Variants in GSE1 observed in about 807,000 individuals in gnomAD.
GSE1 encodes genetic suppressor element 1.
In GSE1, 32 loss-of-function variants were observed where a neutral mutation model predicts 112.6. The observed-to-expected ratio is 0.28, with a 90% CI of 0.21 to 0.38. The LOEUF is 0.38. GSE1 is among the 10% of genes least tolerant of loss of function. GSE1 has a pLI of 1.00. For missense variants in GSE1, 2,348 were observed against 1,699.2 expected (o/e 1.38, Z -6.71); for synonymous variants, 1,115 against 735.6 (o/e 1.52, Z -8.35).
At chr16:85,272,906 A>G (rs1325640497) in intron 1 of GSE1, among the ~76,000 whole-genome samples, 1 of 151,648 alleles carries the variant, frequency 6.6e-6, no homozygotes, top group Non-Finnish European at 1.5e-5. Flanking sequence ...CCTCCCGAGT[A>G]GCTGGGATTA....
intron 1 of GSE1, among the ~76,000 whole-genome samples, chr16:85,299,083 G>C (rs1262779520): frequency 6.6e-6 from 1 of 152,220 alleles, no homozygotes; most frequent in African/African-American, 2.4e-5. Flanking sequence ...TGGCCCTCTG[G>C]TCAGTGAATA....
intron 1 of GSE1, among the ~76,000 whole-genome samples, chr16:85,192,432 T>C (rs1417848323): frequency 1.3e-5 from 2 of 152,230 alleles, no homozygotes; most frequent in Admixed American, 1.3e-4. Flanking sequence ...CAAGCATTGT[T>C]ATATGGCCTC....
chr16:85,665,654 C>T (rs1369538672), intron 12 of GSE1, among the ~76,000 whole-genome samples: 5 of 152,198 alleles, frequency 3.3e-5, no homozygotes, highest in African/African-American at 9.7e-5. Flanking sequence ...CAGTGCGTCC[C>T]AGTCCTCGGC....
At chr16:85,501,636 C>G (rs1235855325) in intron 2 of GSE1, among the ~76,000 whole-genome samples, 2 of 152,234 alleles carry the variant, frequency 1.3e-5, no homozygotes, top group Admixed American at 6.5e-5. Flanking sequence ...CTCGGCAACC[C>G]TCCCACCTCG....
intron 1 of GSE1, among the ~76,000 whole-genome samples, chr16:85,585,650 G>T (rs2046657868): frequency 6.6e-6 from 1 of 152,212 alleles, no homozygotes; most frequent in Admixed American, 6.5e-5. Flanking sequence ...GGCCCAAGGG[G>T]CCCATCCTGG....
rs1327030313 is a variant in GSE1, at chr16:85,675,756, G to C, written c.*3217G>C. 1 of 152,220 alleles carries C rather than the reference G, an allele frequency of 6.6e-6. No individual in the cohort carries two copies. Among genetic ancestry groups the C allele is most frequent in the East Asian group, 1.9e-4 (1 of 5,200 alleles). The allele number at this position is 152,220 out of a possible 1,614,324, so 9.4% of individuals were successfully genotyped here. A position where few individuals can be genotyped will look rare whatever the true frequency, so the allele number is the denominator to read the frequency against. On this transcript the variant is annotated 3_prime_UTR_variant, in exon 16 of 16. Coordinates refer to ENST00000253458, the MANE Select transcript of GSE1 (RefSeq NM_014615.5). ...AATGCCAGGGATCCACCACAAGATG[G>C]AGATGGTCAGCACAAACCGATTCTG...
chr16:85,408,551 GC>G (rs1265523089), intron 2 of GSE1, among the ~76,000 whole-genome samples: 6 of 31,148 alleles, frequency 1.9e-4, no homozygotes, highest in East Asian at 1.7e-3. Context: ...TACACTCAGG[GC>G]CCCCCGGATA....
At chr16:85,314,192 G>C (rs144409991) in intron 1 of GSE1, among the ~76,000 whole-genome samples, 1 of 152,152 alleles carries the variant, frequency 6.6e-6, no homozygotes, top group African/African-American at 2.4e-5. Flanking sequence ...CACAGAGCCC[G>C]GGGAGTGAGA....
chr16:85,400,075 C>A (rs1410680102), intron 2 of GSE1, among the ~76,000 whole-genome samples: 1 of 152,238 alleles, frequency 6.6e-6, no homozygotes, highest in Non-Finnish European at 1.5e-5. Flanking sequence ...CCACACGGAG[C>A]TACTGACTGC....
intron 1 of GSE1, among the ~76,000 whole-genome samples, chr16:85,632,081 C>CG (rs1196040596): frequency 6.6e-6 from 1 of 152,228 alleles, no homozygotes; most frequent in Non-Finnish European, 1.5e-5. Flanking sequence ...CCCGCCCTCC[C>CG]GCTTGTTTGG....
At chr16:85,633,698 C>T (rs2049741313) in intron 1 of GSE1, among the ~76,000 whole-genome samples, 1 of 152,178 alleles carries the variant, frequency 6.6e-6, no homozygotes, top group African/African-American at 2.4e-5. Flanking sequence ...TCCTGGGGGC[C>T]TCTTGGGTCT....
In GSE1 at chr16:85,208,278, C is replaced by G. The variant is rs188999684; in HGVS notation, c.2283+36471C>G. On this transcript the variant is annotated intron_variant, in intron 1 of 2. Transcript: ENST00000637419. Reference sequence around the variant, plus strand: ...GGGACCCCACCACATGCTGGGGATGCACTCCGCCACGTCGCTGGCGGAAGG... The same window carrying G: ...GGGACCCCACCACATGCTGGGGATGGACTCCGCCACGTCGCTGGCGGAAGG... Among the ~76,000 whole-genome samples the G allele has an allele frequency of 5.3e-5, 8 of 152,302 alleles. No individual in the cohort carries two copies. The East Asian group carries it at 1.4e-3, about 26-fold the overall frequency.
intron 1 of GSE1, among the ~76,000 whole-genome samples, chr16:85,603,444 A>T (rs7188128): frequency 6.6e-6 from 1 of 152,228 alleles, no homozygotes; most frequent in African/African-American, 2.4e-5. Flanking sequence ...TCTGGAAACT[A>T]CAGGCCCTGC....
At chr16:85,482,085 C>G (rs190744009) in intron 2 of GSE1, among the ~76,000 whole-genome samples, 1 of 152,342 alleles carries the variant, frequency 6.6e-6, no homozygotes, top group South Asian at 2.1e-4. Context: ...CTGTTGTGGA[C>G]GACCCAACTT....
chr16:85,613,390 G>T lies in GSE1; in HGVS notation c.-2G>T, dbSNP rs1440229796. Reference sequence around the variant, plus strand: ...GCCGAGGTGGAGCTGCGGGGCCCTGGCATGAAAGGTGAGCGCGCCGCACCC... The same window carrying T: ...GCCGAGGTGGAGCTGCGGGGCCCTGTCATGAAAGGTGAGCGCGCCGCACCC... On this transcript the variant is annotated 5_prime_UTR_variant, in exon 1 of 16. Transcript: ENST00000253458. The T allele has an allele frequency of 6.4e-7, 1 of 1,565,618 alleles. No individual in the cohort carries two copies. The highest frequency in any genetic ancestry group is 1.9e-5 in the Admixed American group (1 of 53,854).
intron 2 of GSE1, among the ~76,000 whole-genome samples, chr16:85,505,161 C>T (rs567475660): frequency 6.6e-6 from 1 of 152,168 alleles, no homozygotes; most frequent in Admixed American, 6.5e-5. Flanking sequence ...CTCTCTGGCG[C>T]CCAGGGGAGG....
chr16:85,395,702 C>A (rs543090546), intron 2 of GSE1, among the ~76,000 whole-genome samples: 1 of 152,222 alleles, frequency 6.6e-6, no homozygotes. Flanking sequence ...CCCTCTGTCA[C>A]GTCCGCCCTC....
At chr16:85,237,300 G>A (rs1438403045) in intron 1 of GSE1, among the ~76,000 whole-genome samples, 1 of 152,154 alleles carries the variant, frequency 6.6e-6, no homozygotes, top group African/African-American at 2.4e-5. Context: ...TCCAGCCTGG[G>A]CGACAGAGCA....
intron 2 of GSE1, among the ~76,000 whole-genome samples, chr16:85,404,483 T>G (rs1449479169): frequency 2.0e-5 from 1 of 50,606 alleles, no homozygotes; most frequent in African/African-American, 1.3e-4. Flanking sequence ...TCCTCACCGT[T>G]ACACTCAGGG....
Sources: gnomAD v4.1 joint callset for allele counts (sites outside exome capture counted in the v4.1 genomes callset) on GRCh38, gnomAD v4.1.1 for gene constraint, MANE v1.5 for transcripts, NCBI Gene and HGNC (gene_info 2026-07-23, HGNC 2026-07-21) for gene names.